The following MSRA variants were observed in gnomAD, a reference collection of about 807,000 sequenced individuals.
MSRA encodes mitochondrial peptide methionine sulfoxide reductase.
MSRA carries 54 observed loss-of-function variants against 31.3 expected under a neutral mutation model. The ratio of observed to expected loss-of-function variants is 1.73; its 90% CI spans 1.39 to 2.17. MSRA has a LOEUF of 2.17. MSRA is among the 30% of genes most tolerant of loss of function. MSRA has a pLI of 0.00. For missense variants in MSRA, 507 were observed against 300.9 expected (o/e 1.69, Z -5.07); for synonymous variants, 169 against 116.5 (o/e 1.45, Z -2.90).
chr8:10,368,830 C>T (rs942838960), intron 5 of MSRA, among the ~76,000 whole-genome samples: 2 of 152,176 alleles, frequency 1.3e-5, no homozygotes, highest in Non-Finnish European at 2.9e-5. Flanking sequence ...TCACTTTTCC[C>T]TTCTGCCTGG....
chr8:10,428,019 C>A, intron 5 of MSRA, 129 bp from the exon 6 acceptor site: 1 of 959,156 alleles, frequency 1.0e-6, no homozygotes. Context: ...AGAGCCCGGC[C>A]TAAAGGGGAC....
intron 4 of MSRA, among the ~76,000 whole-genome samples, chr8:10,317,526 G>A (rs1325864661): frequency 6.6e-6 from 1 of 152,168 alleles, no homozygotes; most frequent in East Asian, 1.9e-4. Flanking sequence ...GAAAGTGGAT[G>A]GAGAAATCTC....
At chr8:10,122,425 A>C (rs1801191237) in intron 1 of MSRA, among the ~76,000 whole-genome samples, 1 of 152,216 alleles carries the variant, frequency 6.6e-6, no homozygotes, top group Admixed American at 6.5e-5. Context: ...TTGTTTTTTA[A>C]AAAACAAAAC....
chr8:10,090,093 G>C (rs1049546760), intron 1 of MSRA, among the ~76,000 whole-genome samples: 7 of 152,186 alleles, frequency 4.6e-5, no homozygotes, highest in Non-Finnish European at 8.8e-5. Context: ...GTGCCTGCTG[G>C]GATTCATGGT....
intron 2 of MSRA, among the ~76,000 whole-genome samples, chr8:10,240,014 A>G (rs56075803): frequency 0.027 from 4,072 of 152,300 alleles, 95 homozygotes; most frequent in African/African-American, 0.065. Flanking sequence ...GGTGGAAACC[A>G]GCTGTGGGCT....
intron 1 of MSRA, among the ~76,000 whole-genome samples, chr8:10,079,378 C>A (rs988110374): frequency 6.6e-6 from 1 of 152,106 alleles, no homozygotes; most frequent in African/African-American, 2.4e-5. Flanking sequence ...TTGTCTCGAA[C>A]TCGTGGGCTC....
intron 1 of MSRA, among the ~76,000 whole-genome samples, chr8:10,064,372 A>T (rs1243160096): frequency 6.6e-6 from 1 of 150,430 alleles, no homozygotes. Flanking sequence ...TTTTTTTTTT[A>T]AAGGCATGGT....
At position 10,278,142 on chromosome 8, in the gene MSRA, G is replaced by A. The variant is rs189244831; in HGVS notation, c.332-23392G>A. Among the ~76,000 whole-genome samples, 30 of 152,214 alleles carry A rather than the reference G, an allele frequency of 2.0e-4. No homozygotes were observed. In the East Asian group the frequency reaches 5.6e-3, roughly 28 times the overall value. The stretch of plus-strand genomic sequence containing the variant: ...ATATCATTTTCAGAAATGATTTGTG[G>A]TGGTTCTTCTGGACTGAGAAGAGCC... On this transcript the variant is annotated intron_variant, in intron 3 of 5. Transcript: ENST00000317173.
rs371005217 is a variant in MSRA, at chr8:10,062,194, G to C, written c.142+7536G>C. Among the ~76,000 whole-genome samples, 84 of 152,272 alleles carry C rather than the reference G, an allele frequency of 5.5e-4. 2 individuals carry two copies. In the South Asian group the frequency reaches 0.016, roughly 29 times the overall value. On this transcript the variant is annotated intron_variant, in intron 1 of 5. Transcript: ENST00000317173. ...CCCAGCAGCGTGCCATCAATCATCC[G>C]TTCCTCCTTGGCAGATGGCCAGGCT...
intron 3 of MSRA, among the ~76,000 whole-genome samples, chr8:10,289,622 C>A (rs1036275692): frequency 6.6e-6 from 1 of 152,130 alleles, no homozygotes; most frequent in African/African-American, 2.4e-5. Flanking sequence ...TCTCATCCAT[C>A]GCATGGAGAG....
intron 5 of MSRA, among the ~76,000 whole-genome samples, chr8:10,410,198 A>G (rs1026461920): frequency 1.3e-5 from 2 of 152,216 alleles, no homozygotes; most frequent in African/African-American, 4.8e-5. Context: ...GACATGGAGT[A>G]TGCATGTGTG....
intron 5 of MSRA, among the ~76,000 whole-genome samples, chr8:10,407,325 T>C (rs1807880533): frequency 6.6e-6 from 1 of 152,170 alleles, no homozygotes; most frequent in African/African-American, 2.4e-5. Context: ...AGGTAGATTT[T>C]AGGGTCATGA....
chr8:10,131,669 C>T (rs1428024435), intron 1 of MSRA, among the ~76,000 whole-genome samples: 1 of 152,164 alleles, frequency 6.6e-6, no homozygotes, highest in African/African-American at 2.4e-5. Flanking sequence ...GGAAGCTCTC[C>T]ATACCCTGTG....
At chr8:10,245,379 TTA>T in intron 3 of MSRA, among the ~76,000 whole-genome samples, 156 bp downstream of exon 3, 1 of 152,362 alleles carries the variant, frequency 6.6e-6, no homozygotes, top group African/African-American at 2.4e-5. Context: ...GCTTCTCACT[TTA>T]TATGTTTAGA....
chr8:10,245,333 C>T (rs1253995762), intron 3 of MSRA, 110 bp downstream of exon 3: 1 of 1,042,698 alleles, frequency 9.6e-7, no homozygotes, highest in Admixed American at 2.3e-5. Context: ...AAAAATGTTT[C>T]TTCAATCTTT....
At position 10,250,533 on chromosome 8, in the gene MSRA, G is replaced by A. The variant is rs191278093; in HGVS notation, c.331+5310G>A. ...GAAAGGAGCTGCACAACTTTTCCTC[G>A]TAAGATTTACACAAGCAGCACGGGA... On this transcript the variant is annotated intron_variant, in intron 3 of 5. Transcript: ENST00000317173. The A allele has an allele frequency of 2.3e-4, 162 of 696,168 alleles. 1 individual carries two copies. The highest frequency in any genetic ancestry group is 2.3e-3 in the Admixed American group (114 of 49,010). 43.1% of individuals were successfully genotyped at this position (696,168 alleles called of 1,614,324 possible).
chr8:10,409,217 C>G (rs1488356285), intron 5 of MSRA, among the ~76,000 whole-genome samples: 1 of 152,196 alleles, frequency 6.6e-6, no homozygotes, highest in African/African-American at 2.4e-5. Flanking sequence ...TTTCTGCACC[C>G]TTGCCAACAT....
intron 4 of MSRA, among the ~76,000 whole-genome samples, chr8:10,310,141 T>C (rs991708455): frequency 6.6e-6 from 1 of 152,232 alleles, no homozygotes; most frequent in Non-Finnish European, 1.5e-5. Context: ...TTTTAGACCA[T>C]ATACAAGGAA....
intron 5 of MSRA, among the ~76,000 whole-genome samples, chr8:10,415,555 C>T (rs766280866): frequency 1.3e-5 from 2 of 152,086 alleles, no homozygotes; most frequent in African/African-American, 2.4e-5. Context: ...AGAAATAGGC[C>T]ACAGCTTGAT....
Sources: allele counts gnomAD v4.1 joint callset (sites outside exome capture counted in the v4.1 genomes callset), GRCh38; gene constraint gnomAD v4.1.1; transcripts MANE v1.5; gene names NCBI Gene and HGNC (gene_info 2026-07-23, HGNC 2026-07-21).